The following GRB2 variants were observed in gnomAD, a reference collection of about 807,000 sequenced individuals.
The protein encoded by GRB2 is growth factor receptor bound protein 2, also known as growth factor receptor-bound protein 2.
A neutral mutation model predicts 27.4 loss-of-function variants in GRB2; 2 were observed. The ratio of observed to expected loss-of-function variants is 0.07; its 90% confidence interval spans 0.03 to 0.23. GRB2 has a LOEUF of 0.23. Ranked by LOEUF, GRB2 falls within the 10% of genes least tolerant of loss-of-function variation. The pLI is 1.00. For synonymous variants in GRB2, 94 were observed against 99.6 expected (o/e 0.94, Z 0.33); for missense variants, 102 against 282.4 (o/e 0.36, Z 4.58).
intron 2 of GRB2, among the ~76,000 whole-genome samples, chr17:75,340,522 AC>A (rs1183553845): frequency 1.3e-5 from 2 of 152,178 alleles, no homozygotes; most frequent in Admixed American, 1.3e-4. Context: ...GAGAAAACAC[AC>A]ATGCATGCAT....
At chr17:75,345,682 G>A (rs1363431770) in intron 2 of GRB2, among the ~76,000 whole-genome samples, 2 of 152,276 alleles carry the variant, frequency 1.3e-5, no homozygotes, top group Admixed American at 1.3e-4. Context: ...CTGGGGTAGA[G>A]TGGCAAGTCC....
At chr17:75,378,473 G>A (rs2078908654) in intron 2 of GRB2, among the ~76,000 whole-genome samples, 1 of 152,170 alleles carries the variant, frequency 6.6e-6, no homozygotes, top group Non-Finnish European at 1.5e-5. Context: ...GCGGGTGAGA[G>A]GCATGTCCTT....
chr17:75,388,603 A>C (rs929392502), intron 2 of GRB2, among the ~76,000 whole-genome samples: 8 of 139,048 alleles, frequency 5.8e-5, no homozygotes, highest in African/African-American at 1.6e-4. Context: ...GAAGAAAAAC[A>C]CTTTTTTTTT....
intron 3 of GRB2, among the ~76,000 whole-genome samples, chr17:75,328,754 C>T (rs931697138): frequency 2.0e-5 from 3 of 152,038 alleles, no homozygotes; most frequent in African/African-American, 7.2e-5. Flanking sequence ...CTGGCTAACA[C>T]GGTGAAACCC....
intron 2 of GRB2, among the ~76,000 whole-genome samples, chr17:75,380,103 T>G (rs1243924271): frequency 6.6e-6 from 1 of 152,250 alleles, no homozygotes; most frequent in Non-Finnish European, 1.5e-5. Context: ...TCTTATTAGA[T>G]TCTACAAAAT....
At position 75,332,716 on chromosome 17, in the gene GRB2, C is replaced by G; in HGVS notation, c.160G>C (p.Glu54Gln). 1 of 1,605,158 alleles carries G rather than the reference C, an allele frequency of 6.2e-7. No individual in the cohort carries two copies. Among genetic ancestry groups the G allele is most frequent in the Non-Finnish European group, 8.5e-7 (1 of 1,172,720 alleles). ...TTAACTTACGGATGTGGTTTCATTT[C>G]TATGTAGTTCTTGGGAATGAAGCCG... Reference protein sequence around the residue: ...KDGFIPKNYIEMKPHPWFFGK... With the variant: ...KDGFIPKNYIQMKPHPWFFGK... The change falls in exon 3 of 6, where the codon GAA (glutamate) becomes CAA (glutamine). Residue 54 changes from glutamate to glutamine, a missense_variant. This residue lies in a region of GRB2 where 45 missense variants were observed against 110.6 expected (regional missense o/e 0.41). Transcript: ENST00000316804.
chr17:75,320,126 A>G lies in GRB2; in HGVS notation c.*242T>C. 2.3e-6 allele frequency: 1 copy of G among 443,950 alleles called. No individual in the cohort carries two copies. Among genetic ancestry groups the G allele is most frequent in the South Asian group, 3.0e-5 (1 of 33,158 alleles). The allele number at this position is 443,950 out of a possible 1,614,324, so 27.5% of individuals were successfully genotyped here. ...AAAAAAAAGACAAAGGAGGGGAAAGAGGAGCAGCAGTGAAAATTTGTAATA... is the reference window on the plus strand; with the variant it reads ...AAAAAAAAGACAAAGGAGGGGAAAGGGGAGCAGCAGTGAAAATTTGTAATA... On this transcript the variant is annotated 3_prime_UTR_variant, in exon 6 of 6. Coordinates refer to ENST00000316804, the MANE Select transcript of GRB2 (RefSeq NM_002086.5). This position sits in a 1 kb window ranked among gnomAD's most constrained non-coding sequence, Gnocchi z 4.3.
At chr17:75,401,846 T>C (rs2079065921) in intron 1 of GRB2, among the ~76,000 whole-genome samples, 1 of 152,258 alleles carries the variant, frequency 6.6e-6, no homozygotes, top group South Asian at 2.1e-4. Context: ...AATTATCCAC[T>C]ATAGTGTGGG....
At chr17:75,322,722 G>A (rs759404209) in intron 4 of GRB2, among the ~76,000 whole-genome samples, 5 of 152,040 alleles carry the variant, frequency 3.3e-5, no homozygotes, top group East Asian at 3.9e-4. Context: ...CGGCAACAGC[G>A]TGGCTGGCTG....
intron 1 of GRB2, among the ~76,000 whole-genome samples, chr17:75,398,866 GCCT>G (rs951814869): frequency 1.1e-4 from 16 of 152,156 alleles, no homozygotes; most frequent in African/African-American, 3.9e-4. Flanking sequence ...TCCTGCCTCA[GCCT>G]CCCAAGTAGC....
intron 2 of GRB2, chr17:75,373,742 C>T (rs1311100878): frequency 6.6e-6 from 1 of 151,660 alleles, no homozygotes; most frequent in Non-Finnish European, 1.5e-5. Context: ...AAACACAGTA[C>T]CCTTTGCTTA....
chr17:75,400,542 T>C (rs1005360944), intron 1 of GRB2, among the ~76,000 whole-genome samples: 1 of 151,684 alleles, frequency 6.6e-6, no homozygotes, highest in African/African-American at 2.4e-5. Context: ...TGGTGTGATC[T>C]CATCTCACTG....
intron 1 of GRB2, among the ~76,000 whole-genome samples, chr17:75,395,734 G>A (rs934559131): frequency 5.9e-5 from 9 of 151,884 alleles, no homozygotes; most frequent in African/African-American, 1.5e-4. Context: ...AGTTTCCCCC[G>A]ACCTATACCA....
At chr17:75,324,730 TG>T (rs2078487440) in intron 4 of GRB2, among the ~76,000 whole-genome samples, 1 of 151,806 alleles carries the variant, frequency 6.6e-6, no homozygotes, top group African/African-American at 2.4e-5. Flanking sequence ...TTGGCCAGGC[TG>T]GTCAGTTCAT....
At chr17:75,352,745 T>C (rs994011892) in intron 2 of GRB2, among the ~76,000 whole-genome samples, 1 of 152,188 alleles carries the variant, frequency 6.6e-6, no homozygotes, top group East Asian at 1.9e-4. Flanking sequence ...CGGATGTCTA[T>C]GTATAATAAA....
chr17:75,398,773 A>C (rs2079045020), intron 1 of GRB2, among the ~76,000 whole-genome samples: 1 of 151,574 alleles, frequency 6.6e-6, no homozygotes. Flanking sequence ...TTGGAGACAG[A>C]GTCTTGCTCT....
At position 75,361,797 on chromosome 17, in the gene GRB2, C is replaced by T. The variant is rs577186803; in HGVS notation, c.79-29000G>A. Among the ~76,000 whole-genome samples the T allele has an allele frequency of 2.6e-5, 4 of 151,724 alleles. No homozygotes were observed. The South Asian group carries it at 8.3e-4, about 32-fold the overall frequency. ...TATTACGCTCATTACATGTCCATTA[C>T]TAACTGAGCAACTCTATTAAAATGA... On this transcript the variant is annotated intron_variant, in intron 2 of 5. Coordinates refer to ENST00000316804, the MANE Select transcript of GRB2 (RefSeq NM_002086.5).
intron 2 of GRB2, among the ~76,000 whole-genome samples, chr17:75,378,559 T>A (rs4789181): frequency 0.64 from 97,331 of 152,112 alleles, 37,296 homozygotes; most frequent in East Asian, 0.91. Flanking sequence ...CACATGAACG[T>A]ACAACACTAA....
intron 2 of GRB2, among the ~76,000 whole-genome samples, chr17:75,355,892 G>A (rs1467982238): frequency 6.7e-6 from 1 of 148,272 alleles, no homozygotes; most frequent in Non-Finnish European, 1.5e-5. Context: ...GTACAGTGGC[G>A]TGATCTCGGC....
Sources: gnomAD v4.1 joint callset for allele counts (sites outside exome capture counted in the v4.1 genomes callset) on GRCh38, gnomAD v4.1.1 for gene constraint, gnomAD v4.1.1 regional missense constraint, Gnocchi (gnomAD v3.1) non-coding constraint, MANE v1.5 for transcripts, NCBI Gene and HGNC (gene_info 2026-07-23, HGNC 2026-07-21) for gene names.